Variants in PROSER3 observed in about 807,000 individuals in gnomAD.
PROSER3 encodes proline and serine-rich protein 3.
Under a neutral mutation model 50.2 loss-of-function variants are expected in PROSER3, and 33 were observed. That is an observed-to-expected ratio of 0.66 (90% confidence interval 0.50 to 0.88). The LOEUF (loss-of-function observed/expected upper bound fraction) is 0.88. Among genes scored for constraint, PROSER3 ranks in the 40% least tolerant of loss-of-function variants. The pLI, the probability that PROSER3 is intolerant of heterozygous loss-of-function variation, is 0.00. For missense variants in PROSER3, 623 were observed against 612.7 expected (o/e 1.02, Z -0.18); for synonymous variants, 266 against 259.3 (o/e 1.03, Z -0.25).
At chr19:35,758,499 T>C in intron 1 of PROSER3, 1 of 398,014 alleles carries the variant, frequency 2.5e-6, no homozygotes, top group Non-Finnish European at 4.4e-6. Context: ...GATCTGAATT[T>C]CTTCATTTTG....
intron 7 of PROSER3, among the ~76,000 whole-genome samples, chr19:35,766,153 G>A (rs1266109112): frequency 1.3e-5 from 2 of 152,138 alleles, no homozygotes; most frequent in Non-Finnish European, 2.9e-5. Context: ...GCTGGAGCAG[G>A]GTGAGGGCTG....
At chr19:35,764,735 C>G (rs1197900370) in intron 5 of PROSER3, 119 bp from the exon 6 acceptor site, 1 of 849,760 alleles carries the variant, frequency 1.2e-6, no homozygotes, top group East Asian at 2.7e-5. Context: ...GGAGCAGATC[C>G]TAAGCTGGCA....
At chr19:35,767,692 T>C in intron 8 of PROSER3, 1 of 1,348,982 alleles carries the variant, frequency 7.4e-7, no homozygotes, top group African/African-American at 1.5e-5. Flanking sequence ...AGGACACGCC[T>C]CCTCACTTCG....
At chr19:35,764,763 C>A in intron 5 of PROSER3, 91 bp from the exon 6 acceptor site, 1 of 1,152,844 alleles carries the variant, frequency 8.7e-7, no homozygotes, top group Admixed American at 2.1e-5. Flanking sequence ...TTACCAAGGG[C>A]AGTACAACCT....
exon 11 of PROSER3, chr19:35,768,766 G>A (rs1971260357): frequency 2.2e-6 from 1 of 458,308 alleles, no homozygotes. Flanking sequence ...TTGGGGCAGA[G>A]GGAGTTTCAG....
Position 35,764,216 on chromosome 19 carries a change from G to A in PROSER3, c.544-638G>A, listed in dbSNP as rs191910336. Among the ~76,000 whole-genome samples, 734 of 152,214 alleles carry A rather than the reference G, an allele frequency of 4.8e-3. 21 individuals are homozygous for A. The highest frequency in any genetic ancestry group is 0.043 in the Admixed American group (656 of 15,288). On this transcript the variant is annotated intron_variant, in intron 5 of 10. Coordinates refer to ENST00000396908, the Ensembl canonical transcript of PROSER3. Reference sequence around the variant, plus strand: ...CTCCAGTGGGAAGTGGGGGCTTTTCGAATTGCTCCATCAGAAGCCCCAGGG... The same window carrying A: ...CTCCAGTGGGAAGTGGGGGCTTTTCAAATTGCTCCATCAGAAGCCCCAGGG...
chr19:35,767,099 AGTTCTCTGGGGACCCAGCCTAACCAT>A, intron 8 of PROSER3: 3 of 1,099,516 alleles, frequency 2.7e-6, no homozygotes, highest in Non-Finnish European at 3.8e-6. Context: ...GGAGACCCTC[AGTTCTCTGGGGACCCAGCCTAACCAT>A]GTCCCACTGT....
intron 1 of PROSER3, chr19:35,759,121 C>T (rs2146549030): frequency 4.2e-6 from 2 of 470,860 alleles, no homozygotes; most frequent in East Asian, 7.3e-5. Flanking sequence ...CCCTCCTAGA[C>T]TGGATCCAGG....
intron 3 of PROSER3, 56 bp from the exon 4 acceptor site, chr19:35,761,963 T>C: frequency 6.6e-7 from 1 of 1,505,136 alleles, no homozygotes; most frequent in Non-Finnish European, 8.9e-7. Flanking sequence ...ATAATTATTC[T>C]TATTATTATT....
chr19:35,758,221 C>G (rs1970832065), exon 1 of PROSER3: 1 of 1,562,428 alleles, frequency 6.4e-7, no homozygotes, highest in African/African-American at 1.4e-5. Flanking sequence ...GCGGGATGGA[C>G]CGCAGGTGAG....
Position 35,760,211 on chromosome 19 carries a change from T to TTTTA in PROSER3, c.311+236_311+239dup, listed in dbSNP as rs561726783. Among the ~76,000 whole-genome samples, 737 of 152,252 alleles carry TTTTA rather than the reference T, an allele frequency of 4.8e-3. 2 individuals carry two copies. The highest frequency in any genetic ancestry group is 0.027 in the Middle Eastern group (8 of 294). On this transcript the variant is annotated intron_variant, in intron 3 of 10. Coordinates refer to ENST00000396908, the Ensembl canonical transcript of PROSER3. ...TCTTGGCCTCAGTTTCTTTATCTCT[T>TTTTA]TTTATTTATTTATTTATTTGTTTAG... is the stretch of plus-strand genomic sequence containing the variant.
intron 10 of PROSER3, 54 bp from the exon 11 acceptor site, chr19:35,768,350 A>G (rs942335699): frequency 2.2e-5 from 35 of 1,582,190 alleles, no homozygotes; most frequent in Non-Finnish European, 2.9e-5. Flanking sequence ...CCACAGCCCC[A>G]GATTCTAAGC....
exon 9 of PROSER3, chr19:35,768,064 A>G: frequency 1.3e-6 from 2 of 1,584,810 alleles, no homozygotes; most frequent in Non-Finnish European, 8.6e-7. Flanking sequence ...AGGCTGCAGA[A>G]GGTGATGCCC....
At chr19:35,769,687 C>T (rs986723946), downstream of PROSER3, 3 of 152,274 alleles carry the variant, frequency 2.0e-5, no homozygotes, top group African/African-American at 4.8e-5. Flanking sequence ...CTGTCTTTCC[C>T]TTCCACCCAC....
downstream of PROSER3, chr19:35,770,819 T>TG (rs1205555609): frequency 2.8e-5 from 3 of 108,114 alleles, no homozygotes; most frequent in East Asian, 1.0e-3. Context: ...GAGGTTGCAG[T>TG]GGAAAAAAAA....
At chr19:35,765,295 T>C in intron 7 of PROSER3, 119 bp downstream of exon 7, 1 of 1,282,892 alleles carries the variant, frequency 7.8e-7, no homozygotes, top group East Asian at 2.5e-5. Context: ...AAAACAGGGA[T>C]AAGGCCAGAT....
At chr19:35,765,922 T>C (rs931517020) in intron 7 of PROSER3, among the ~76,000 whole-genome samples, 1 of 152,092 alleles carries the variant, frequency 6.6e-6, no homozygotes, top group Admixed American at 6.5e-5. Context: ...GTGCGATACA[T>C]GAAGGAAGAG....
chr19:35,765,190 G>A lies in PROSER3; in HGVS notation c.769+14G>A. 1 of 1,611,192 alleles carries A rather than the reference G, an allele frequency of 6.2e-7. No homozygotes were observed. Among genetic ancestry groups the A allele is most frequent in the Non-Finnish European group, 8.5e-7 (1 of 1,179,318 alleles). ...CCAGGGCACCCGGTAAGGGCTGAGA[G>A]GCAAAGACTGAGGGCAGCCTGGGTG... On this transcript the variant is annotated intron_variant, in intron 7 of 10. Coordinates refer to ENST00000396908, the Ensembl canonical transcript of PROSER3.
chr19:35,759,161 G>A, intron 1 of PROSER3: 1 of 538,216 alleles, frequency 1.9e-6, no homozygotes, highest in South Asian at 2.3e-5. Context: ...CAGTTCCTGA[G>A]TTGCTCCCTG....
Sources: gnomAD v4.1 joint callset for allele counts (sites outside exome capture counted in the v4.1 genomes callset) on GRCh38, gnomAD v4.1.1 for gene constraint, MANE v1.5 for transcripts, NCBI Gene and HGNC (gene_info 2026-07-23, HGNC 2026-07-21) for gene names.